The following TLK2 variants were observed in gnomAD, a reference collection of about 807,000 sequenced individuals.
TLK2 encodes tousled like kinase 2.
TLK2 carries 6 observed loss-of-function variants against 117.3 expected under a neutral mutation model. The ratio of observed to expected loss-of-function variants is 0.05; its 90% CI spans 0.03 to 0.10. The LOEUF is 0.10. Among genes scored for constraint, TLK2 ranks in the 10% least tolerant of loss-of-function variants. The pLI is 1.00. For synonymous variants in TLK2, 257 were observed against 316.7 expected (o/e 0.81, Z 2.00); for missense variants, 299 against 901.2 (o/e 0.33, Z 8.56).
intron 7 of TLK2, among the ~76,000 whole-genome samples, chr17:62,539,762 C>A (rs2077374680): frequency 6.6e-6 from 1 of 152,158 alleles, no homozygotes; most frequent in Non-Finnish European, 1.5e-5. Flanking sequence ...TCGGCCTCCC[C>A]AAAGTTCTGG....
chr17:62,604,365 G>A (rs1457359545), intron 19 of TLK2, among the ~76,000 whole-genome samples: 4 of 151,532 alleles, frequency 2.6e-5, no homozygotes, highest in African/African-American at 9.7e-5. Context: ...TTGTTTTTTT[G>A]TATGGGGATT....
chr17:62,561,942 T>C (rs1363270579), intron 10 of TLK2, among the ~76,000 whole-genome samples: 3 of 152,222 alleles, frequency 2.0e-5, no homozygotes, highest in Admixed American at 6.5e-5. Flanking sequence ...TTCTCTTTGC[T>C]AGGAGTAGTA....
intron 10 of TLK2, among the ~76,000 whole-genome samples, chr17:62,561,902 C>G (rs1018380387): frequency 1.3e-5 from 2 of 152,256 alleles, no homozygotes; most frequent in African/African-American, 4.8e-5. Context: ...AAACATAATG[C>G]TGTCTCTGAG....
intron 16 of TLK2, among the ~76,000 whole-genome samples, chr17:62,588,226 G>C (rs2081800730): frequency 6.6e-6 from 1 of 152,066 alleles, no homozygotes; most frequent in African/African-American, 2.4e-5. Context: ...CCTAGTCTCA[G>C]TATCCAGGTT....
chr17:62,489,282 C>T (rs2072844855), intron 2 of TLK2, among the ~76,000 whole-genome samples: 1 of 151,180 alleles, frequency 6.6e-6, no homozygotes, highest in African/African-American at 2.4e-5. Flanking sequence ...CTCACTGAAA[C>T]CTCTGCCTTC....
At chr17:62,562,438 T>C (rs2079366693) in intron 10 of TLK2, among the ~76,000 whole-genome samples, 1 of 152,170 alleles carries the variant, frequency 6.6e-6, no homozygotes, top group African/African-American at 2.4e-5. Flanking sequence ...TTTAAAAATT[T>C]TAAAACTCTT....
intron 2 of TLK2, among the ~76,000 whole-genome samples, chr17:62,483,850 G>A (rs1433599827): frequency 1.3e-5 from 2 of 151,532 alleles, no homozygotes; most frequent in South Asian, 4.2e-4. Flanking sequence ...TTTTGAGACA[G>A]AGTTTTGCTC....
At chr17:62,575,438 C>T (rs536288008) in intron 12 of TLK2, among the ~76,000 whole-genome samples, 30 of 152,294 alleles carry the variant, frequency 2.0e-4, no homozygotes, top group Non-Finnish European at 3.4e-4. Context: ...AGAGATAGCC[C>T]TAGTGGGTGA....
intron 16 of TLK2, among the ~76,000 whole-genome samples, chr17:62,590,777 C>A (rs1471055027): frequency 2.0e-5 from 3 of 152,236 alleles, no homozygotes; most frequent in Non-Finnish European, 2.9e-5. Flanking sequence ...CCACACCCAA[C>A]AAGATGGTAT....
chr17:62,600,474 G>A (rs2082796234), intron 17 of TLK2, 177 bp from the exon 18 acceptor site: 1 of 556,068 alleles, frequency 1.8e-6, no homozygotes, highest in Admixed American at 3.7e-5. Flanking sequence ...AGAATAAGCA[G>A]TTTCTTACCA....
intron 6 of TLK2, among the ~76,000 whole-genome samples, chr17:62,534,733 C>T (rs1181960435): frequency 2.6e-5 from 4 of 151,814 alleles, no homozygotes; most frequent in Middle Eastern, 3.2e-3. Context: ...CTAAAACTTT[C>T]ATAATAACGT....
upstream of TLK2, among the ~76,000 whole-genome samples, chr17:62,474,420 T>A (rs568151152): frequency 3.3e-5 from 5 of 150,136 alleles, no homozygotes; most frequent in East Asian, 9.8e-4. Flanking sequence ...ATTTATTTAC[T>A]TTTATTTGAG....
chr17:62,530,150 T>C (rs2076643753), intron 6 of TLK2, among the ~76,000 whole-genome samples: 2 of 152,092 alleles, frequency 1.3e-5, no homozygotes, highest in African/African-American at 4.8e-5. Context: ...GGCAGGTGCC[T>C]GTAATCCCTG....
intron 11 of TLK2, 144 bp downstream of exon 11, chr17:62,565,281 G>T: frequency 9.5e-7 from 1 of 1,053,270 alleles, no homozygotes; most frequent in Non-Finnish European, 1.3e-6. Context: ...GGAAAGAAAT[G>T]TATCGAATGA....
At chr17:62,512,213 C>CTTTTTTT (rs35913164) in intron 2 of TLK2, among the ~76,000 whole-genome samples, 12 of 40,618 alleles carry the variant, frequency 3.0e-4, no homozygotes, top group African/African-American at 4.6e-4. Flanking sequence ...ATCACCCCTC[C>CTTTTTTT]TTTTTTTTTT....
chr17:62,605,656 C>T lies in TLK2; in HGVS notation c.1860-474C>T, dbSNP rs1045315487. ...CCAAAGTGCTGGGATTACCACACCC[C>T]GCCTAGAGTGTCTTTTCATTGACTT... is the stretch of plus-strand genomic sequence containing the variant. On this transcript the variant is annotated intron_variant, in intron 19 of 21. Transcript: ENST00000346027. Among the ~76,000 whole-genome samples the T allele has an allele frequency of 9.2e-5, 14 of 152,138 alleles. No homozygotes were observed. The South Asian group carries it at 1.5e-3, about 16-fold the overall frequency.
rs2070969125 is a variant in TLK2, at chr17:62,472,942, C to T, written c.-205+1864C>T. ...AGAAACAGTGGCTGTCCACAGCAGACAGCTATCTGGATTTAAGACCCCAAA... is the reference window on the plus strand; with the variant it reads ...AGAAACAGTGGCTGTCCACAGCAGATAGCTATCTGGATTTAAGACCCCAAA... On this transcript the variant is annotated intron_variant, in intron 1 of 4. Coordinates refer to the TLK2 transcript ENST00000579450. Among the ~76,000 whole-genome samples the T allele has an allele frequency of 2.0e-5, 3 of 152,188 alleles. No individual in the cohort carries two copies. The South Asian group carries it at 6.2e-4, about 31-fold the overall frequency.
intron 19 of TLK2, among the ~76,000 whole-genome samples, chr17:62,604,426 A>G (rs954235214): frequency 2.3e-4 from 35 of 152,062 alleles, no homozygotes; most frequent in African/African-American, 8.4e-4. Context: ...ATATATTTTT[A>G]GCACAGTTTA....
chr17:62,558,777 C>T (rs1351582172), intron 9 of TLK2, among the ~76,000 whole-genome samples: 3 of 152,118 alleles, frequency 2.0e-5, no homozygotes, highest in Non-Finnish European at 4.4e-5. Flanking sequence ...AGAGGAGAAA[C>T]ATTTGGAGAC....
Sources: gnomAD v4.1 joint callset for allele counts (sites outside exome capture counted in the v4.1 genomes callset) on GRCh38, gnomAD v4.1.1 for gene constraint, MANE v1.5 for transcripts, NCBI Gene and HGNC (gene_info 2026-07-23, HGNC 2026-07-21) for gene names.